LTBP1: variants seen among roughly 807,000 people sequenced by gnomAD.
LTBP1 encodes latent-transforming growth factor beta-binding protein 1.
A neutral mutation model predicts 207.6 loss-of-function variants in LTBP1; 129 were observed. That is an observed-to-expected ratio of 0.62 (90% CI 0.54 to 0.72). The LOEUF (loss-of-function observed/expected upper bound fraction) is 0.72, where lower values mean the gene tolerates loss of function less well. Ranked by LOEUF, LTBP1 falls within the 30% of genes least tolerant of loss-of-function variation. The pLI is 0.00. For synonymous variants in LTBP1, 963 were observed against 833.7 expected, an observed-to-expected ratio of 1.16 and a Z score of -2.67; for missense variants, 2,281 against 2,217.2, an observed-to-expected ratio of 1.03 and a Z score of -0.58.
At chr2:33,049,980 T>A (rs141328673) in intron 3 of LTBP1, among the ~76,000 whole-genome samples, 7 of 152,154 alleles carry the variant, frequency 4.6e-5, no homozygotes, top group Admixed American at 2.0e-4. Flanking sequence ...TAGCTGGAAC[T>A]ATAGGTGTGG....
chr2:33,030,009 A>G (rs1457070041), intron 3 of LTBP1, among the ~76,000 whole-genome samples: 1 of 152,188 alleles, frequency 6.6e-6, no homozygotes, highest in African/African-American at 2.4e-5. Flanking sequence ...TACTGTAGAC[A>G]CAGAATTTAT....
chr2:33,125,100 C>G (rs1191416881), intron 4 of LTBP1, among the ~76,000 whole-genome samples: 1 of 152,212 alleles, frequency 6.6e-6, no homozygotes, highest in African/African-American at 2.4e-5. Context: ...TCTCCCTCAT[C>G]CTAATTTCCC....
chr2:33,211,921 A>G (rs544744219), intron 7 of LTBP1, among the ~76,000 whole-genome samples: 1 of 152,338 alleles, frequency 6.6e-6, no homozygotes, highest in South Asian at 2.1e-4. Context: ...AACTTTGAAT[A>G]TCAGGGAAGT....
At chr2:33,397,512 T>TTTC (rs1426847745) in intron 33 of LTBP1, among the ~76,000 whole-genome samples, 1 of 144,314 alleles carries the variant, frequency 6.9e-6, no homozygotes, top group Non-Finnish European at 1.5e-5. Context: ...AATTCTTTTT[T>TTTC]TTTTTTTTTT....
At chr2:32,986,609 C>A (rs548888990) in intron 2 of LTBP1, among the ~76,000 whole-genome samples, 1 of 152,222 alleles carries the variant, frequency 6.6e-6, no homozygotes, top group South Asian at 2.1e-4. Flanking sequence ...AAGATGATGA[C>A]AGCAGAAAGT....
At chr2:33,273,053 T>G (rs924716869) in intron 15 of LTBP1, among the ~76,000 whole-genome samples, 4 of 152,168 alleles carry the variant, frequency 2.6e-5, no homozygotes, top group Non-Finnish European at 5.9e-5. Context: ...GGGAAAAGAT[T>G]CTACTTTACC....
rs975188395 is a variant in LTBP1 at position 32,947,647 on chromosome 2, C to T, written c.323C>T (p.Pro108Leu). Residue 108 changes from proline to leucine, a missense_variant, in exon 1 of 34, where the codon CCT becomes CTT. Coordinates refer to ENST00000404816, the MANE Select transcript of LTBP1 (RefSeq NM_206943.4). ...LRPPPPPPPE[P>L]ARPAVPGGQL... ...CCGCCGCCGCCGCCGCCGCCGGAGC[C>T]TGCGCGTCCCGCGGTCCCCGGCGGG... 5 of 1,398,862 alleles carry T rather than the reference C, an allele frequency of 3.6e-6. No individual in the cohort carries two copies. The highest frequency in any genetic ancestry group is 3.0e-5 in the African/African-American group (2 of 65,962). 86.7% of individuals were successfully genotyped at this position (1,398,862 alleles called of 1,614,324 possible). A position where few individuals can be genotyped will look rare whatever the true frequency, so the allele number is the denominator to read the frequency against.
At position 33,336,390 on chromosome 2, in the gene LTBP1, C is replaced by T. The variant is rs777983136; in HGVS notation, c.3731-6448C>T. 6.0e-4 allele frequency among the ~76,000 whole-genome samples: 91 copies of T among 152,174 alleles called. 1 individual carries two copies. Among genetic ancestry groups the T allele is most frequent in the Non-Finnish European group, 1.6e-4 (11 of 68,028 alleles). ...ATTCTTCTGTGACCAGGCCCTGTTC[C>T]TCTGCCAGCTCTCCCGCTAACTGAC... On this transcript the variant is annotated intron_variant, in intron 24 of 33. Transcript: ENST00000404816.
chr2:33,144,193 T>C (rs1430915148), intron 5 of LTBP1, among the ~76,000 whole-genome samples: 1 of 152,024 alleles, frequency 6.6e-6, no homozygotes, highest in East Asian at 1.9e-4. Flanking sequence ...TATTTACTGA[T>C]CCTAACAGCA....
intron 2 of LTBP1, among the ~76,000 whole-genome samples, chr2:33,019,667 A>G (rs563203293): frequency 1.0e-3 from 151 of 150,182 alleles, no homozygotes; most frequent in African/African-American, 3.6e-3. Context: ...GACCTTGCCT[A>G]TCATAAAACC....
intron 7 of LTBP1, among the ~76,000 whole-genome samples, chr2:33,205,252 T>A (rs991572867): frequency 5.3e-5 from 8 of 152,242 alleles, no homozygotes; most frequent in Non-Finnish European, 7.3e-5. Flanking sequence ...GTTCCTTAAA[T>A]CTTTATTGCA....
At chr2:33,259,754 T>C (rs2092960921) in intron 13 of LTBP1, 144 bp downstream of exon 13, 10 of 652,536 alleles carry the variant, frequency 1.5e-5, no homozygotes, top group Non-Finnish European at 2.4e-5. Flanking sequence ...CATTCAGTTA[T>C]TCCAAAAAAA....
At chr2:33,239,946 G>A (rs575057957) in intron 9 of LTBP1, among the ~76,000 whole-genome samples, 1 of 144,730 alleles carries the variant, frequency 6.9e-6, no homozygotes, top group South Asian at 2.2e-4. Context: ...AAAAATATGA[G>A]ACTCCTGAAA....
chr2:33,200,529 G>T (rs1398358722), intron 7 of LTBP1, among the ~76,000 whole-genome samples: 1 of 152,168 alleles, frequency 6.6e-6, no homozygotes, highest in Non-Finnish European at 1.5e-5. Context: ...AACCCTAGAA[G>T]AAAACCTAGG....
chr2:32,949,483 T>C (rs1676781622), intron 2 of LTBP1, among the ~76,000 whole-genome samples: 1 of 152,230 alleles, frequency 6.6e-6, no homozygotes, highest in Admixed American at 6.5e-5. Context: ...TGGATGGGGT[T>C]CTCTGCAGTG....
At chr2:33,288,346 G>A (rs772737418) in intron 19 of LTBP1, among the ~76,000 whole-genome samples, 1 of 152,148 alleles carries the variant, frequency 6.6e-6, no homozygotes, top group Non-Finnish European at 1.5e-5. Context: ...CACCAGGGAG[G>A]GGCTTGAGAC....
chr2:33,280,242 C>A, intron 19 of LTBP1, 84 bp downstream of exon 19: 4 of 1,309,122 alleles, frequency 3.1e-6, no homozygotes, highest in Non-Finnish European at 4.0e-6. Flanking sequence ...CCAATGGAGC[C>A]CTCTTTCAAA....
At chr2:33,010,560 G>A (rs1460998910) in intron 2 of LTBP1, among the ~76,000 whole-genome samples, 2 of 152,106 alleles carry the variant, frequency 1.3e-5, no homozygotes, top group Non-Finnish European at 2.9e-5. Context: ...AATATTCGGG[G>A]TGATGGATGC....
intron 18 of LTBP1, among the ~76,000 whole-genome samples, chr2:33,277,848 T>A (rs1573575352): frequency 1.2e-4 from 16 of 135,552 alleles, no homozygotes; most frequent in Admixed American, 2.2e-4. Context: ...TTTTTTTTTT[T>A]AAAGACAGTC....
Sources: gnomAD v4.1 joint callset for allele counts (sites outside exome capture counted in the v4.1 genomes callset) on GRCh38, gnomAD v4.1.1 for gene constraint, MANE v1.5 for transcripts, NCBI Gene and HGNC (gene_info 2026-07-23, HGNC 2026-07-21) for gene names.